SVIL: variants seen among roughly 807,000 people sequenced by gnomAD.
The protein encoded by SVIL is archvillin.
In SVIL, 101 loss-of-function variants were observed where a neutral mutation model predicts 240.4. The ratio of observed to expected loss-of-function variants is 0.42; its 90% confidence interval spans 0.36 to 0.50. The LOEUF (loss-of-function observed/expected upper bound fraction) is 0.50. Among genes scored for constraint, SVIL ranks in the 20% least tolerant of loss-of-function variants. The pLI, the probability that SVIL is intolerant of heterozygous loss-of-function variation, is 0.01. For synonymous variants in SVIL, 999 were observed against 1,100.0 expected (o/e 0.91, Z 1.82); for missense variants, 2,512 against 2,818.7 (o/e 0.89, Z 2.46).
intron 1 of SVIL, among the ~76,000 whole-genome samples, chr10:29,591,796 G>A (rs1331304277): frequency 6.6e-6 from 1 of 152,200 alleles, no homozygotes; most frequent in East Asian, 1.9e-4. Flanking sequence ...TCCATGCTGC[G>A]AAGGGATCTT....
intron 35 of SVIL, among the ~76,000 whole-genome samples, chr10:29,463,133 T>C (rs898846775): frequency 2.0e-5 from 3 of 152,172 alleles, no homozygotes; most frequent in Non-Finnish European, 4.4e-5. Flanking sequence ...TTGCAGATAA[T>C]GTACAGGGCA....
At chr10:29,602,274 CAAGT>C in intron 1 of SVIL, 1 of 533,520 alleles carries the variant, frequency 1.9e-6, no homozygotes. Flanking sequence ...GAAGGCATAC[CAAGT>C]TCTTAAAGGT....
chr10:29,626,934 G>A (rs921070156), intron 1 of SVIL, among the ~76,000 whole-genome samples: 1 of 152,200 alleles, frequency 6.6e-6, no homozygotes, highest in African/African-American at 2.4e-5. Flanking sequence ...TGAGGCAGGA[G>A]AATGGTGTGA....
chr10:29,499,190 G>A lies in SVIL; in HGVS notation c.3590C>T (p.Ala1197Val). Reference sequence around the variant, plus strand: ...CGCTCCTCTGCCTCTCGTCTTCCAGGCCTCCTCTCTCACAGTGATGAGCTG... The same window carrying A: ...CGCTCCTCTGCCTCTCGTCTTCCAGACCTCCTCTCTCACAGTGATGAGCTG... Reference protein sequence around the residue: ...RKQLITVREEAWKTRGRGAAN... With the variant: ...RKQLITVREEVWKTRGRGAAN... Residue 1197 changes from alanine (A) to valine (V), a missense_variant, in exon 18 of 38, where the codon GCC becomes GTC. Transcript: ENST00000355867. The A allele has an allele frequency of 6.2e-7, 1 of 1,614,166 alleles. No individual in the cohort carries two copies.
At chr10:29,684,553 A>C (rs1350535190) in intron 2 of SVIL, among the ~76,000 whole-genome samples, 1 of 152,114 alleles carries the variant, frequency 6.6e-6, no homozygotes, top group African/African-American at 2.4e-5. Context: ...AAAGGAGAGG[A>C]GTGTTTGGGT....
intron 1 of SVIL, among the ~76,000 whole-genome samples, chr10:29,615,983 C>G (rs949839687): frequency 1.3e-5 from 2 of 152,134 alleles, no homozygotes; most frequent in East Asian, 3.8e-4. Context: ...GGCATGATAC[C>G]CCATATCTAA....
intron 29 of SVIL, 106 bp downstream of exon 29, chr10:29,480,431 C>T: frequency 1.4e-6 from 2 of 1,437,236 alleles, no homozygotes; most frequent in Non-Finnish European, 9.6e-7. Context: ...TGCCCCACTG[C>T]ACGGACGCAG....
At chr10:29,615,187 C>T (rs897077339) in intron 1 of SVIL, among the ~76,000 whole-genome samples, 4 of 152,082 alleles carry the variant, frequency 2.6e-5, no homozygotes, top group African/African-American at 7.2e-5. Flanking sequence ...CAAACAATTG[C>T]TATTTTTTAA....
chr10:29,684,174 G>A (rs544018649), intron 2 of SVIL, among the ~76,000 whole-genome samples: 5 of 152,260 alleles, frequency 3.3e-5, no homozygotes, highest in African/African-American at 1.2e-4. Context: ...AGTTCAGGGA[G>A]GCTCTTCTGC....
At chr10:29,662,981 C>T (rs1037065991) in intron 2 of SVIL, among the ~76,000 whole-genome samples, 1 of 152,180 alleles carries the variant, frequency 6.6e-6, no homozygotes, top group African/African-American at 2.4e-5. Flanking sequence ...GGTGTGGTGG[C>T]ATGCACCTGT....
Position 29,462,417 on chromosome 10 carries a change from T to C in SVIL, c.6278-16A>G. On this transcript the variant is annotated splice_polypyrimidine_tract_variant and intron_variant, in intron 35 of 37. Transcript: ENST00000355867. ...AGATTTTTTCCTGTAGTTACACAGATTGCAATGTCAGTAGACCCCAGGGAG... is the reference window on the plus strand; with the variant it reads ...AGATTTTTTCCTGTAGTTACACAGACTGCAATGTCAGTAGACCCCAGGGAG... 6.2e-7 allele frequency: 1 copy of C among 1,613,418 alleles called. No homozygotes were observed. Among genetic ancestry groups the C allele is most frequent in the Non-Finnish European group, 8.5e-7 (1 of 1,179,764 alleles).
intron 22 of SVIL, among the ~76,000 whole-genome samples, chr10:29,489,658 C>T (rs544699289): frequency 6.6e-6 from 1 of 152,210 alleles, no homozygotes; most frequent in Admixed American, 6.5e-5. Flanking sequence ...AGTGATCCTC[C>T]CACCTCAGCC....
At chr10:29,618,203 G>A (rs1387504283) in intron 1 of SVIL, among the ~76,000 whole-genome samples, 1 of 152,160 alleles carries the variant, frequency 6.6e-6, no homozygotes, top group Non-Finnish European at 1.5e-5. Context: ...TCTAGAAAGC[G>A]CCAAAAATCC....
At chr10:29,473,636 T>C in intron 30 of SVIL, 1 of 631,562 alleles carries the variant, frequency 1.6e-6, no homozygotes, top group Non-Finnish European at 2.7e-6. Context: ...TTCTCCAGGA[T>C]CATCTTACAA....
At chr10:29,598,801 G>C (rs1282061729) in intron 1 of SVIL, among the ~76,000 whole-genome samples, 2 of 152,198 alleles carry the variant, frequency 1.3e-5, no homozygotes, top group Non-Finnish European at 2.9e-5. Context: ...CAAAACTGCT[G>C]TTTTCAAACC....
Position 29,579,208 on chromosome 10 carries a change from C to T in SVIL, c.-200-9896G>A, listed in dbSNP as rs539823614. Among the ~76,000 whole-genome samples the T allele has an allele frequency of 2.6e-5, 4 of 152,020 alleles. No homozygotes were observed. The East Asian group carries it at 5.8e-4, about 22-fold the overall frequency. On this transcript the variant is annotated intron_variant, in intron 1 of 37. Transcript: ENST00000355867. ...ATCCCAGCACTTTGGGAGGCCGAGG[C>T]GGGCGGATCATGAGGTCAGGAGATC...
intron 1 of SVIL, among the ~76,000 whole-genome samples, chr10:29,713,811 G>A (rs1963447066): frequency 6.6e-6 from 1 of 152,206 alleles, no homozygotes; most frequent in Non-Finnish European, 1.5e-5. Flanking sequence ...TCCTCCAAAA[G>A]AGGGAGAGTT....
At chr10:29,622,580 T>C (rs144181119) in intron 1 of SVIL, among the ~76,000 whole-genome samples, 1 of 152,258 alleles carries the variant, frequency 6.6e-6, no homozygotes, top group East Asian at 1.9e-4. Context: ...CACAGAAAGA[T>C]CTAATCATGC....
intron 36 of SVIL, among the ~76,000 whole-genome samples, chr10:29,459,330 T>C (rs1358676739): frequency 6.6e-6 from 1 of 152,156 alleles, no homozygotes; most frequent in Non-Finnish European, 1.5e-5. Flanking sequence ...CTCTGACTTA[T>C]AGATCTTTTC....
Sources: gnomAD v4.1 joint callset for allele counts (sites outside exome capture counted in the v4.1 genomes callset) on GRCh38, gnomAD v4.1.1 for gene constraint, MANE v1.5 for transcripts, NCBI Gene and HGNC (gene_info 2026-07-23, HGNC 2026-07-21) for gene names.